Variants in OAF observed in about 807,000 individuals in gnomAD.
OAF encodes out at first protein homolog.
Under a neutral mutation model 22.5 loss-of-function variants are expected in OAF, and 13 were observed. The observed-to-expected ratio is 0.58, with a 90% confidence interval of 0.38 to 0.92. OAF has a LOEUF of 0.92. Ranked by LOEUF, OAF falls within the 40% of genes least tolerant of loss-of-function variation. The probability of loss-of-function intolerance (pLI) is 0.00; values close to 1 mark genes in which losing one functional copy is unlikely to be tolerated. For missense variants in OAF, 347 were observed against 381.8 expected (o/e 0.91, Z 0.76); for synonymous variants, 175 against 170.5 (o/e 1.03, Z -0.21).
rs562556565 is a variant in OAF, at chr11:120,230,221, G to A, written c.*1079G>A. 5 of 152,330 alleles carry A rather than the reference G, an allele frequency of 3.3e-5. No homozygotes were observed. Among genetic ancestry groups the A allele is most frequent in the African/African-American group, 1.2e-4 (5 of 41,580 alleles). The allele number at this position is 152,330 out of a possible 1,614,324, so 9.4% of individuals were successfully genotyped here. A position where few individuals can be genotyped will look rare whatever the true frequency, so the allele number is the denominator to read the frequency against. On this transcript the variant is annotated 3_prime_UTR_variant, in exon 4 of 4. Transcript: ENST00000328965. ...GAAGGCAAGAGATGGGGTGGAGATTGGAACCCCGCTTCAGATCTGGGCTCG... is the reference window on the plus strand; with the variant it reads ...GAAGGCAAGAGATGGGGTGGAGATTAGAACCCCGCTTCAGATCTGGGCTCG...
At chr11:120,226,719 G>C (rs902332462) in intron 2 of OAF, 97 bp from the exon 3 acceptor site, 10 of 1,133,802 alleles carry the variant, frequency 8.8e-6, no homozygotes, top group Non-Finnish European at 1.3e-5. Context: ...CGTTCTAAAG[G>C]CAGTCAGCTT....
intron 3 of OAF, 43 bp from the exon 4 acceptor site, chr11:120,228,825 T>TACCAACACA: frequency 2.3e-6 from 1 of 434,174 alleles, no homozygotes; most frequent in Non-Finnish European, 4.7e-6. Context: ...GCTCCTTCCC[T>TACCAACACA]CCCTCCCTCC....
chr11:120,226,087 C>G (rs148875704), intron 2 of OAF, among the ~76,000 whole-genome samples: 1 of 152,214 alleles, frequency 6.6e-6, no homozygotes, highest in Non-Finnish European at 1.5e-5. Context: ...CTGCAGATCA[C>G]TAACTGAACC....
chr11:120,227,944 A>C (rs1393657661), intron 3 of OAF, among the ~76,000 whole-genome samples: 1 of 151,942 alleles, frequency 6.6e-6, no homozygotes, highest in Non-Finnish European at 1.5e-5. Flanking sequence ...CCCTGAGCCT[A>C]ATCAGGCCGG....
intron 1 of OAF, 141 bp downstream of exon 1, chr11:120,211,651 A>C: frequency 2.0e-6 from 1 of 490,814 alleles, no homozygotes; most frequent in Non-Finnish European, 3.5e-6. Context: ...TCTTCTCTAC[A>C]CCTCTTTGCC....
At chr11:120,221,635 G>T (rs61898286) in intron 1 of OAF, among the ~76,000 whole-genome samples, 1 of 152,190 alleles carries the variant, frequency 6.6e-6, no homozygotes, top group Non-Finnish European at 1.5e-5. Flanking sequence ...GCAAAGCCAG[G>T]ATCTGAACAT....
intron 3 of OAF, among the ~76,000 whole-genome samples, chr11:120,227,587 A>T (rs1260273001): frequency 6.6e-6 from 1 of 151,910 alleles, no homozygotes; most frequent in African/African-American, 2.4e-5. Flanking sequence ...CTGCCCCAAG[A>T]TCCTTGGAAG....
intron 1 of OAF, among the ~76,000 whole-genome samples, chr11:120,212,489 G>A (rs1166594650): frequency 6.6e-6 from 1 of 152,014 alleles, no homozygotes; most frequent in Admixed American, 6.6e-5. Context: ...TTCAAAAGGA[G>A]CGTTCTGTCT....
intron 1 of OAF, among the ~76,000 whole-genome samples, chr11:120,224,179 C>T (rs1434400006): frequency 6.6e-6 from 1 of 152,218 alleles, no homozygotes. Context: ...TGGAAAACCT[C>T]CCCCTATACT....
intron 1 of OAF, among the ~76,000 whole-genome samples, chr11:120,222,318 G>A (rs1443671727): frequency 6.6e-6 from 1 of 152,192 alleles, no homozygotes; most frequent in Non-Finnish European, 1.5e-5. Context: ...AGCACTTTGG[G>A]AGGCCAAGGC....
At position 120,211,402 on chromosome 11, in the gene OAF, C is replaced by T. The variant is rs1344419893; in HGVS notation, c.123C>T (p.Gly41=). ...ELRVRVRLPD[G]QVTEESLQAD... ...GGGTCCGCGTGCGGCTGCCGGACGGCCAGGTGACCGAGGAGAGCCTGCAGG... is the reference window on the plus strand; with the variant it reads ...GGGTCCGCGTGCGGCTGCCGGACGGTCAGGTGACCGAGGAGAGCCTGCAGG... Residue 41 remains glycine, a synonymous_variant, in exon 1 of 4, where the codon GGC becomes GGT. Transcript: ENST00000328965. 2 of 1,511,098 alleles carry T rather than the reference C, an allele frequency of 1.3e-6. No homozygotes were observed. The highest frequency in any genetic ancestry group is 2.5e-5 in the South Asian group (2 of 80,622). 93.6% of individuals were successfully genotyped at this position (1,511,098 alleles called of 1,614,324 possible).
At chr11:120,226,027 C>G (rs1417720912) in intron 2 of OAF, among the ~76,000 whole-genome samples, 1 of 152,180 alleles carries the variant, frequency 6.6e-6, no homozygotes, top group Non-Finnish European at 1.5e-5. Context: ...CCCATTCACC[C>G]TAGAGTCCTG....
chr11:120,211,408 G>T lies in OAF; in HGVS notation c.129G>T (p.Val43=). ...RVRVRLPDGQ[V]TEESLQADSD... Reference sequence around the variant, plus strand: ...GCGTGCGGCTGCCGGACGGCCAGGTGACCGAGGAGAGCCTGCAGGCGGACA... The same window carrying T: ...GCGTGCGGCTGCCGGACGGCCAGGTTACCGAGGAGAGCCTGCAGGCGGACA... The change falls in exon 1 of 4, where the codon GTG becomes GTT. Residue 43 remains valine, a synonymous_variant. Transcript: ENST00000328965. 6.5e-7 allele frequency: 1 copy of T among 1,529,456 alleles called. No homozygotes were observed. The highest frequency in any genetic ancestry group is 1.2e-5 in the South Asian group (1 of 81,816). The allele number at this position is 1,529,456 out of a possible 1,614,324, so 94.7% of individuals were successfully genotyped here. A position where few individuals can be genotyped will look rare whatever the true frequency, so the allele number is the denominator to read the frequency against.
intron 3 of OAF, among the ~76,000 whole-genome samples, chr11:120,228,599 G>A (rs1356273761): frequency 2.0e-5 from 3 of 152,170 alleles, no homozygotes; most frequent in South Asian, 2.1e-4. Context: ...GACTGATGGA[G>A]GTACTGTAAG....
intron 1 of OAF, among the ~76,000 whole-genome samples, chr11:120,215,164 C>T (rs996798677): frequency 6.6e-6 from 1 of 151,894 alleles, no homozygotes; most frequent in South Asian, 2.1e-4. Context: ...GCCAATATGG[C>T]GAAACCCCGT....
chr11:120,212,194 CA>C (rs1398809605), intron 1 of OAF, among the ~76,000 whole-genome samples: 18 of 141,436 alleles, frequency 1.3e-4, no homozygotes, highest in Admixed American at 8.3e-4. Flanking sequence ...AGAAGCGAGC[CA>C]ACCCCCCTAT....
rs1377249368 is a variant in OAF, at chr11:120,211,523, C to T, written c.231+13C>T. ...CGACTTCAAGAAGGTGAGGCGCCCT[C>T]ACTCGCCGGGGTGGCACCTTCAAGC... On this transcript the variant is annotated intron_variant, in intron 1 of 3. Coordinates refer to ENST00000328965, the MANE Select transcript of OAF (RefSeq NM_178507.4). 1.4e-6 allele frequency: 2 copies of T among 1,434,692 alleles called. No homozygotes were observed. Among genetic ancestry groups the T allele is most frequent in the Non-Finnish European group, 1.8e-6 (2 of 1,084,794 alleles). The allele number at this position is 1,434,692 out of a possible 1,614,324, so 88.9% of individuals were successfully genotyped here.
In OAF at chr11:120,211,083, G is replaced by C. The variant is rs1217645799; in HGVS notation, c.-197G>C. ...GCCGGGGCAGCGCCGTCTCCGCCTC[G>C]GGGCCGCCGGGGGCGCCCTGCTGAG... On this transcript the variant is annotated 5_prime_UTR_variant, in exon 1 of 4. Transcript: ENST00000328965. 1.0e-5 allele frequency: 2 copies of C among 191,158 alleles called. No homozygotes were observed. The highest frequency in any genetic ancestry group is 2.1e-5 in the Non-Finnish European group (2 of 95,402). The allele number at this position is 191,158 out of a possible 1,614,324, so 11.8% of individuals were successfully genotyped here. A position where few individuals can be genotyped will look rare whatever the true frequency, so the allele number is the denominator to read the frequency against.
At chr11:120,213,831 G>A (rs1319138860) in intron 1 of OAF, 3 of 152,156 alleles carry the variant, frequency 2.0e-5, no homozygotes, top group Non-Finnish European at 4.4e-5. Context: ...CCCAGGATTT[G>A]GGGAGGCTGA....
Sources: allele counts gnomAD v4.1 joint callset (sites outside exome capture counted in the v4.1 genomes callset), GRCh38; gene constraint gnomAD v4.1.1; transcripts MANE v1.5; gene names NCBI Gene and HGNC (gene_info 2026-07-23, HGNC 2026-07-21).